Variants in SH3D19 observed in about 807,000 individuals in gnomAD.
SH3D19 encodes SH3 domain containing 19.
In SH3D19, 58 loss-of-function variants were observed where a neutral mutation model predicts 112.1. The observed-to-expected ratio is 0.52, with a 90% CI of 0.42 to 0.64. The LOEUF is 0.64. Among genes scored for constraint, SH3D19 ranks in the 30% least tolerant of loss-of-function variants. The pLI, the probability that SH3D19 is intolerant of heterozygous loss-of-function variation, is 0.00. For synonymous variants in SH3D19, 391 were observed against 448.5 expected (o/e 0.87, Z 1.62); for missense variants, 1,090 against 1,263.4 (o/e 0.86, Z 2.08).
intron 1 of SH3D19, among the ~76,000 whole-genome samples, chr4:151,287,057 G>A (rs13135328): frequency 0.36 from 54,344 of 150,466 alleles, 10,802 homozygotes; most frequent in Middle Eastern, 0.44. Flanking sequence ...AATAAAAGAG[G>A]GGACTGGGCA....
chr4:151,251,156 C>CCCA (rs1311909674), intron 1 of SH3D19, among the ~76,000 whole-genome samples: 2 of 151,714 alleles, frequency 1.3e-5, no homozygotes, highest in Non-Finnish European at 2.9e-5. Context: ...TTTTAAGCAT[C>CCCA]CCACCTTGCC....
chr4:151,189,475 T>A (rs973697961), intron 2 of SH3D19, among the ~76,000 whole-genome samples: 1 of 152,180 alleles, frequency 6.6e-6, no homozygotes, highest in African/African-American at 2.4e-5. Context: ...CCAAATTTCA[T>A]CGTGAATTGT....
chr4:151,140,092 CTTT>C (rs749007151), intron 12 of SH3D19: 1 of 434,614 alleles, frequency 2.3e-6, no homozygotes, highest in Non-Finnish European at 4.1e-6. Context: ...TTTCTTTTTG[CTTT>C]TTTAAGCTGA....
intron 2 of SH3D19, among the ~76,000 whole-genome samples, chr4:151,189,828 G>T (rs1269487924): frequency 6.6e-6 from 1 of 152,114 alleles, no homozygotes; most frequent in Non-Finnish European, 1.5e-5. Context: ...TAGTAGAGTG[G>T]GTGCTGCTGT....
At chr4:151,282,434 G>A (rs1422921596) in intron 1 of SH3D19, 1 of 1,611,878 alleles carries the variant, frequency 6.2e-7, no homozygotes, top group Non-Finnish European at 8.5e-7. Flanking sequence ...GCAGAGAGAA[G>A]GGTTGTTTCA....
At chr4:151,248,949 T>C (rs1476654645) in intron 1 of SH3D19, among the ~76,000 whole-genome samples, 2 of 152,232 alleles carry the variant, frequency 1.3e-5, no homozygotes, top group Non-Finnish European at 2.9e-5. Context: ...TTTTCTCTTG[T>C]CAACTCAATA....
chr4:151,254,803 T>C (rs1771691360), intron 1 of SH3D19, among the ~76,000 whole-genome samples: 1 of 151,704 alleles, frequency 6.6e-6, no homozygotes, highest in African/African-American at 2.4e-5. Flanking sequence ...AAGCCGCCAT[T>C]GTCATCCTGG....
At chr4:151,208,998 T>A (rs1367475236) in intron 2 of SH3D19, among the ~76,000 whole-genome samples, 1 of 152,072 alleles carries the variant, frequency 6.6e-6, no homozygotes, top group Non-Finnish European at 1.5e-5. Context: ...TTAATATACA[T>A]CTCCTACTGG....
intron 1 of SH3D19, chr4:151,262,713 G>A (rs1772475681): frequency 1.2e-5 from 1 of 83,284 alleles, no homozygotes; most frequent in Non-Finnish European, 2.8e-5. Flanking sequence ...TCTCTCTCTG[G>A]GCAGTAGATG....
Position 151,174,810 on chromosome 4 carries a change from C to T in SH3D19, c.1394G>A (p.Gly465Glu). The change falls in exon 7 of 20, where the codon GGG (glycine) becomes GAG (glutamate). Residue 465 changes from glycine (G) to glutamate (E), a missense_variant. Physicochemically the swap from Gly to Glu is moderately conservative, Grantham distance 98 (BLOSUM62 -2). Coordinates refer to ENST00000604030, the MANE Select transcript of SH3D19 (RefSeq NM_001378122.1). ...QAKAYKSLGE[G>E]PPANPPVPVL... ...TGGAACTGGGGGGTTGGCTGGGGGC[C>T]CTTCTCCCAGTGACTTGTATGCTTT... is the stretch of plus-strand genomic sequence containing the variant. 1 of 1,564,412 alleles carries T rather than the reference C, an allele frequency of 6.4e-7. No homozygotes were observed. Among genetic ancestry groups the T allele is most frequent in the South Asian group, 1.2e-5 (1 of 81,048 alleles).
At chr4:151,324,733 G>C (rs567186468) in intron 1 of SH3D19, among the ~76,000 whole-genome samples, 19 of 134,144 alleles carry the variant, frequency 1.4e-4, no homozygotes, top group Non-Finnish European at 2.4e-4. Flanking sequence ...CACAACTAAC[G>C]AAAACAAGTC....
intron 2 of SH3D19, among the ~76,000 whole-genome samples, chr4:151,192,690 CA>C (rs1190250406): frequency 6.6e-6 from 1 of 152,140 alleles, no homozygotes; most frequent in Non-Finnish European, 1.5e-5. Flanking sequence ...ACCAAGAGAA[CA>C]AAACAAACCT....
intron 1 of SH3D19, among the ~76,000 whole-genome samples, chr4:151,311,552 G>A (rs1439206439): frequency 6.6e-6 from 1 of 152,106 alleles, no homozygotes; most frequent in Non-Finnish European, 1.5e-5. Flanking sequence ...TGGAAGCAGA[G>A]AATAGGCTGG....
chr4:151,254,116 GC>G (rs1478869167), intron 1 of SH3D19, among the ~76,000 whole-genome samples: 10 of 152,154 alleles, frequency 6.6e-5, no homozygotes, highest in Admixed American at 5.2e-4. Flanking sequence ...ATGAAAACAT[GC>G]GTTACCCTCT....
chr4:151,315,417 G>T (rs2126387696), intron 1 of SH3D19, among the ~76,000 whole-genome samples: 1 of 152,178 alleles, frequency 6.6e-6, no homozygotes, highest in African/African-American at 2.4e-5. Flanking sequence ...TTAGTCATTT[G>T]TACCTGCTGA....
chr4:151,191,952 T>TTTTTTCA (rs370440388), intron 2 of SH3D19, among the ~76,000 whole-genome samples: 2 of 129,696 alleles, frequency 1.5e-5, no homozygotes, highest in Non-Finnish European at 3.1e-5. Context: ...GCCCTTTTTT[T>TTTTTTCA]TTTTTTTTTT....
chr4:151,217,848 G>A (rs1398815168), intron 2 of SH3D19, among the ~76,000 whole-genome samples: 1 of 152,010 alleles, frequency 6.6e-6, no homozygotes, highest in Non-Finnish European at 1.5e-5. Context: ...AAATAATGAA[G>A]TGGAAACTGA....
At chr4:151,319,835 C>T (rs1464351108) in intron 1 of SH3D19, among the ~76,000 whole-genome samples, 1 of 152,142 alleles carries the variant, frequency 6.6e-6, no homozygotes, top group Non-Finnish European at 1.5e-5. Flanking sequence ...TAGAATACAG[C>T]AAGCAGCATA....
At chr4:151,178,896 A>T (rs1054305795) in intron 4 of SH3D19, among the ~76,000 whole-genome samples, 1 of 152,048 alleles carries the variant, frequency 6.6e-6, no homozygotes, top group Non-Finnish European at 1.5e-5. Context: ...CCCAAATATT[A>T]TCTTTCCTCC....
Sources: allele counts gnomAD v4.1 joint callset (sites outside exome capture counted in the v4.1 genomes callset), GRCh38; gene constraint gnomAD v4.1.1; transcripts MANE v1.5; gene names NCBI Gene and HGNC (gene_info 2026-07-23, HGNC 2026-07-21).